The following BMP5 variants were observed in gnomAD, a reference collection of about 807,000 sequenced individuals.
BMP5 encodes the protein bone morphogenetic protein 5.
BMP5 carries 23 observed loss-of-function variants against 46.6 expected under a neutral mutation model. The ratio of observed to expected loss-of-function variants is 0.49; its 90% CI spans 0.35 to 0.70. The LOEUF is 0.70. Ranked by LOEUF, BMP5 falls within the 30% of genes least tolerant of loss-of-function variation. BMP5 has a pLI of 0.00. For synonymous variants in BMP5, 204 were observed against 191.9 expected, an observed-to-expected ratio of 1.06 and a Z score of -0.52; for missense variants, 545 against 565.6, an observed-to-expected ratio of 0.96 and a Z score of 0.37.
chr6:55,789,442 G>T (rs536109684), intron 3 of BMP5, among the ~76,000 whole-genome samples: 1 of 152,030 alleles, frequency 6.6e-6, no homozygotes, highest in African/African-American at 2.4e-5. Context: ...TAGTGTTTGG[G>T]GGGAAAACTC....
intron 2 of BMP5, among the ~76,000 whole-genome samples, chr6:55,798,286 A>G (rs1775765559): frequency 6.6e-6 from 1 of 152,290 alleles, no homozygotes; most frequent in South Asian, 2.1e-4. Flanking sequence ...ACATCGGGGG[A>G]GAGGGCACAA....
At chr6:55,760,901 A>ATT (rs1491076202) in intron 4 of BMP5, among the ~76,000 whole-genome samples, 14 of 148,564 alleles carry the variant, frequency 9.4e-5, no homozygotes, top group Non-Finnish European at 1.5e-4. Context: ...ATTGAGAGAG[A>ATT]TTATATATAT....
intron 1 of BMP5, among the ~76,000 whole-genome samples, chr6:55,835,781 G>A (rs1397985846): frequency 1.3e-5 from 2 of 152,156 alleles, no homozygotes; most frequent in Non-Finnish European, 2.9e-5. Flanking sequence ...TGCAACACTT[G>A]AAAATCGCTT....
At chr6:55,762,864 A>G (rs1212244721) in intron 4 of BMP5, among the ~76,000 whole-genome samples, 10 of 152,094 alleles carry the variant, frequency 6.6e-5, no homozygotes, top group Non-Finnish European at 1.3e-4. Context: ...TCTCCTTGCA[A>G]CTACTCGATT....
chr6:55,799,092 G>A (rs1205342966), intron 2 of BMP5, among the ~76,000 whole-genome samples: 1 of 152,146 alleles, frequency 6.6e-6, no homozygotes, highest in South Asian at 2.1e-4. Flanking sequence ...AGATCAGACA[G>A]ATCTTGAACA....
intron 1 of BMP5, among the ~76,000 whole-genome samples, chr6:55,857,533 T>G (rs1777429143): frequency 6.6e-6 from 1 of 152,210 alleles, no homozygotes; most frequent in South Asian, 2.1e-4. Flanking sequence ...TTGTGATCAT[T>G]TAAATAATTG....
chr6:55,769,820 G>T (rs1468357766), intron 4 of BMP5, among the ~76,000 whole-genome samples: 1 of 152,014 alleles, frequency 6.6e-6, no homozygotes, highest in South Asian at 2.1e-4. Flanking sequence ...AAAACAATTA[G>T]TCTACTCGTA....
At position 55,788,076 on chromosome 6, in the gene BMP5, A is replaced by G. The variant is rs183797378; in HGVS notation, c.832+6203T>C. Among the ~76,000 whole-genome samples, 303 of 151,752 alleles carry G rather than the reference A, an allele frequency of 2.0e-3. 1 individual carries two copies. The highest frequency in any genetic ancestry group is 8.3e-3 in the South Asian group (40 of 4,820). ...CTGCTTGTAATTCAATTATCTTTGT[A>G]AGAATCCATTCTACTGTTTAACGCT... On this transcript the variant is annotated intron_variant, in intron 3 of 6. Transcript: ENST00000370830.
At chr6:55,778,800 G>A (rs1348601320) in intron 3 of BMP5, among the ~76,000 whole-genome samples, 1 of 152,014 alleles carries the variant, frequency 6.6e-6, no homozygotes, top group Non-Finnish European at 1.5e-5. Flanking sequence ...GGATGTAGAT[G>A]AGGCTGGAGC....
At chr6:55,819,415 T>C (rs1270614499) in intron 2 of BMP5, among the ~76,000 whole-genome samples, 1 of 152,160 alleles carries the variant, frequency 6.6e-6, no homozygotes, top group Admixed American at 6.6e-5. Context: ...AGCACATTTT[T>C]AGAAGCATGA....
intron 1 of BMP5, among the ~76,000 whole-genome samples, chr6:55,856,505 G>GACCAGCA (rs1179599664): frequency 1.3e-5 from 2 of 152,106 alleles, no homozygotes; most frequent in African/African-American, 4.8e-5. Context: ...ATTTATACGT[G>GACCAGCA]TTTTAGTTGG....
intron 2 of BMP5, among the ~76,000 whole-genome samples, chr6:55,813,606 T>C (rs1007297188): frequency 6.6e-6 from 1 of 151,806 alleles, no homozygotes; most frequent in Non-Finnish European, 1.5e-5. Flanking sequence ...TGGCTAACGG[T>C]GAAACCCCGT....
chr6:55,819,528 G>A, intron 2 of BMP5, 127 bp downstream of exon 2: 1 of 773,830 alleles, frequency 1.3e-6, no homozygotes, highest in Non-Finnish European at 2.1e-6. Flanking sequence ...TCTCTACCTG[G>A]CTCTAAATGT....
intron 1 of BMP5, among the ~76,000 whole-genome samples, chr6:55,866,242 T>C (rs1384536263): frequency 1.3e-5 from 2 of 152,170 alleles, no homozygotes; most frequent in African/African-American, 4.8e-5. Context: ...TTCTCTGTGA[T>C]TGAAGGGCAG....
At chr6:55,862,419 A>G (rs1362061754) in intron 1 of BMP5, among the ~76,000 whole-genome samples, 1 of 152,202 alleles carries the variant, frequency 6.6e-6, no homozygotes. Context: ...TTATAATTGT[A>G]TCTCCATTGA....
At chr6:55,805,713 T>A (rs1020792470) in intron 2 of BMP5, among the ~76,000 whole-genome samples, 1 of 152,138 alleles carries the variant, frequency 6.6e-6, no homozygotes, top group Non-Finnish European at 1.5e-5. Flanking sequence ...TCTCTCCACA[T>A]CCTCACCAGC....
rs534367207 is a variant in BMP5, at chr6:55,869,879, A to G, written c.490+4497T>C. Among the ~76,000 whole-genome samples, 11 of 152,246 alleles carry G rather than the reference A, an allele frequency of 7.2e-5. No individual in the cohort carries two copies. In the South Asian group the frequency reaches 2.1e-3, roughly 29 times the overall value. On this transcript the variant is annotated intron_variant, in intron 1 of 6. Coordinates refer to ENST00000370830, the MANE Select transcript of BMP5 (RefSeq NM_021073.4). The stretch of plus-strand genomic sequence containing the variant: ...AGAGAAAACAGGAGAGTGTACCTCA[A>G]TTCTCAAACTGTAACTAATTGATTT...
At chr6:55,829,255 C>T (rs559186771) in intron 1 of BMP5, among the ~76,000 whole-genome samples, 2 of 151,720 alleles carry the variant, frequency 1.3e-5, no homozygotes, top group Non-Finnish European at 2.9e-5. Flanking sequence ...TGCTTACTAC[C>T]GTACACTCTT....
intron 1 of BMP5, among the ~76,000 whole-genome samples, chr6:55,834,740 C>G (rs1221916696): frequency 6.6e-6 from 1 of 152,026 alleles, no homozygotes; most frequent in Non-Finnish European, 1.5e-5. Context: ...TTTAAATGGA[C>G]AGAAACAGAT....
Sources: gnomAD v4.1 joint callset for allele counts (sites outside exome capture counted in the v4.1 genomes callset) on GRCh38, gnomAD v4.1.1 for gene constraint, MANE v1.5 for transcripts, NCBI Gene and HGNC (gene_info 2026-07-23, HGNC 2026-07-21) for gene names.